Variants in TMPRSS4 observed in about 807,000 individuals in gnomAD.
The protein encoded by TMPRSS4 is transmembrane protease serine 4.
A neutral mutation model predicts 56.4 loss-of-function variants in TMPRSS4; 45 were observed. The ratio of observed to expected loss-of-function variants is 0.80; its 90% CI spans 0.63 to 1.02. The LOEUF is 1.02. TMPRSS4 is among the 50% of genes least tolerant of loss of function. The pLI is 0.00. For missense variants in TMPRSS4, 546 were observed against 556.7 expected (o/e 0.98, Z 0.19); for synonymous variants, 205 against 211.0 (o/e 0.97, Z 0.25).
At chr11:118,079,683 C>G (rs1944979560) in intron 1 of TMPRSS4, among the ~76,000 whole-genome samples, 1 of 152,210 alleles carries the variant, frequency 6.6e-6, no homozygotes, top group African/African-American at 2.4e-5. Flanking sequence ...GGTCCTCCCT[C>G]CCACCTCCTG....
chr11:118,097,069 G>GGAAAGGAAAGGAAAGGAAAGGAAAGGAA lies in TMPRSS4; in HGVS notation c.44-1915_44-1914insAAAGGAAAGGAAAGGAAAGGAAAGGAAG, dbSNP rs1565423938. Among the ~76,000 whole-genome samples, 60 of 22,912 alleles carry GGAAAGGAAAGGAAAGGAAAGGAAAGGAA rather than the reference G, an allele frequency of 2.6e-3. 3 individuals are homozygous for GGAAAGGAAAGGAAAGGAAAGGAAAGGAA. Among genetic ancestry groups the GGAAAGGAAAGGAAAGGAAAGGAAAGGAA allele is most frequent in the African/African-American group, 5.8e-3 (53 of 9,188 alleles). 15.0% of individuals were successfully genotyped at this position (22,912 alleles called of 152,430 possible). A position where few individuals can be genotyped will look rare whatever the true frequency, so the allele number is the denominator to read the frequency against. ...AAGGAAAGGAAAGGAAAGGAAAGGA[G>GGAAAGGAAAGGAAAGGAAAGGAAAGGAA]GTAGTAGAAGGGACGTACTTAAGAG... On this transcript the variant is annotated intron_variant, in intron 2 of 12. Transcript: ENST00000437212.
chr11:118,105,773 C>CCAAACAAA (rs111593328), intron 5 of TMPRSS4: 1 of 151,876 alleles, frequency 6.6e-6, no homozygotes, highest in African/African-American at 2.4e-5. Flanking sequence ...AGAGACTAGG[C>CCAAACAAA]CAAACAAACA....
At chr11:118,107,943 C>G (rs1280761184) in intron 6 of TMPRSS4, 68 bp downstream of exon 6, 7 of 1,366,578 alleles carry the variant, frequency 5.1e-6, no homozygotes, top group South Asian at 1.2e-5. Context: ...AGGTTGCAAC[C>G]AGCTCACCTG....
chr11:118,125,374 T>A, downstream of TMPRSS4: 1 of 456,032 alleles, frequency 2.2e-6, no homozygotes, highest in South Asian at 1.5e-5. Context: ...CTGATGGAGC[T>A]ACGGTCAGCT....
chr11:118,109,183 C>T (rs1336851115), intron 7 of TMPRSS4, among the ~76,000 whole-genome samples: 1 of 152,200 alleles, frequency 6.6e-6, no homozygotes, highest in African/African-American at 2.4e-5. Flanking sequence ...CCGAAAAGGG[C>T]AGGACGGGGC....
At chr11:118,097,182 A>G (rs1390145092) in intron 2 of TMPRSS4, among the ~76,000 whole-genome samples, 1 of 151,318 alleles carries the variant, frequency 6.6e-6, no homozygotes, top group African/African-American at 2.4e-5. Flanking sequence ...GGCACCAGGG[A>G]CTTAGCAGTG....
intron 1 of TMPRSS4, among the ~76,000 whole-genome samples, chr11:118,093,481 C>T (rs1183596100): frequency 6.6e-6 from 1 of 152,188 alleles, no homozygotes; most frequent in Non-Finnish European, 1.5e-5. Flanking sequence ...CTTTGCCTGG[C>T]AGAAAGGGCC....
intron 1 of TMPRSS4, among the ~76,000 whole-genome samples, chr11:118,088,450 C>T (rs561589188): frequency 1.5e-4 from 23 of 152,320 alleles, no homozygotes; most frequent in Non-Finnish European, 3.2e-4. Flanking sequence ...GTTGATCAGG[C>T]AATGGCAGGT....
In TMPRSS4 at chr11:118,114,770, C is replaced by T; in HGVS notation, c.911-59C>T. 4.1e-6 allele frequency: 6 copies of T among 1,473,118 alleles called. No individual in the cohort carries two copies. In the East Asian group the frequency reaches 1.2e-4, roughly 30 times the overall value. 91.3% of individuals were successfully genotyped at this position (1,473,118 alleles called of 1,614,324 possible). A position where few individuals can be genotyped will look rare whatever the true frequency, so the allele number is the denominator to read the frequency against. ...CATAATCATAAAGCATCATAATTTA[C>T]AGAAAATTAACACTTATGATGAATA... On this transcript the variant is annotated intron_variant, in intron 9 of 12. Transcript: ENST00000437212.
intron 1 of TMPRSS4, among the ~76,000 whole-genome samples, chr11:118,093,624 C>T (rs10750124): frequency 0.9 from 136,927 of 152,238 alleles, 61,757 homozygotes; most frequent in Non-Finnish European, 0.93. Context: ...CATGCGTCGA[C>T]GGCAGCCTAA....
At position 118,117,438 on chromosome 11, in the gene TMPRSS4, T is replaced by C; in HGVS notation, c.1286T>C (p.Ile429Thr). The change falls in exon 12 of 13, where the codon ATC (isoleucine) becomes ACC (threonine). Residue 429 changes from isoleucine (I) to threonine (T), a missense_variant. Physicochemically the swap from Ile to Thr is moderately conservative, Grantham distance 89. Coordinates refer to ENST00000437212, the MANE Select transcript of TMPRSS4 (RefSeq NM_019894.4). ...YTKVSAYLNW[I>T]YNVWKAEL ...AAGGTCTCAGCCTATCTCAACTGGA[T>C]CTACAATGTCTGGAAGGTAAGGTAC... The C allele has an allele frequency of 6.2e-7, 1 of 1,613,632 alleles. No individual in the cohort carries two copies. Among genetic ancestry groups the C allele is most frequent in the Non-Finnish European group, 8.5e-7 (1 of 1,179,712 alleles).
At chr11:118,092,392 G>T (rs930787041) in intron 1 of TMPRSS4, among the ~76,000 whole-genome samples, 1 of 152,258 alleles carries the variant, frequency 6.6e-6, no homozygotes, top group Non-Finnish European at 1.5e-5. Context: ...CAGTGAGCCA[G>T]GAATGCTGAT....
chr11:118,099,211 C>G, intron 3 of TMPRSS4, 113 bp downstream of exon 3: 2 of 811,252 alleles, frequency 2.5e-6, no homozygotes, highest in African/African-American at 1.7e-5. Flanking sequence ...GCCCTCACCC[C>G]CTCAGTAAGA....
intron 1 of TMPRSS4, among the ~76,000 whole-genome samples, chr11:118,086,476 G>A (rs1411123566): frequency 5.9e-5 from 9 of 152,274 alleles, no homozygotes; most frequent in Non-Finnish European, 1.0e-4. Flanking sequence ...CTCTAATAAT[G>A]ACTCAACGCA....
At position 118,120,054 on chromosome 11, in the gene TMPRSS4, T is replaced by C. The variant is rs773772778; in HGVS notation, c.*2141T>C. The C allele has an allele frequency of 6.6e-6, 1 of 152,238 alleles. No individual in the cohort carries two copies. Among genetic ancestry groups the C allele is most frequent in the African/African-American group, 2.4e-5 (1 of 41,454 alleles). The allele number at this position is 152,238 out of a possible 1,614,324, so 9.4% of individuals were successfully genotyped here. On this transcript the variant is annotated 3_prime_UTR_variant, in exon 13 of 13. Coordinates refer to ENST00000437212, the MANE Select transcript of TMPRSS4 (RefSeq NM_019894.4). ...ACCACCATTGTGCTTTCAGTCTCTG[T>C]GAACTGGATTACTCTGGGTACCTCA... is the stretch of plus-strand genomic sequence containing the variant.
chr11:118,089,140 A>G lies in TMPRSS4; in HGVS notation c.4-5676A>G, dbSNP rs1399730477. Among the ~76,000 whole-genome samples the G allele has an allele frequency of 3.3e-5, 5 of 151,936 alleles. No homozygotes were observed. In the East Asian group the frequency reaches 9.7e-4, roughly 29 times the overall value. The stretch of plus-strand genomic sequence containing the variant: ...TCGACATTGATGGCCCCCAGTTGAC[A>G]CTCACAGGCCTAAAATGCACCTACC... On this transcript the variant is annotated intron_variant, in intron 1 of 12. Coordinates refer to ENST00000437212, the MANE Select transcript of TMPRSS4 (RefSeq NM_019894.4).
chr11:118,099,098 AGTAAGTGACAGCCC>A lies in TMPRSS4; in HGVS notation c.157+4_157+17del. 1 of 1,612,696 alleles carries A rather than the reference AGTAAGTGACAGCCC, an allele frequency of 6.2e-7. No individual in the cohort carries two copies. The highest frequency in any genetic ancestry group is 1.3e-5 in the African/African-American group (1 of 74,938). ...GAGTATCATCATTGTGGTTGTCCTC[AGTAAGTGACAGCCC>A]GTACCCGACTTTCACCCTCTAAGTA... On this transcript the variant is annotated splice_donor_variant and splice_donor_5th_base_variant and intron_variant, in intron 3 of 12. Coordinates refer to ENST00000437212, the MANE Select transcript of TMPRSS4 (RefSeq NM_019894.4). LOFTEE classifies it high-confidence loss of function.
intron 7 of TMPRSS4, among the ~76,000 whole-genome samples, chr11:118,109,125 C>A (rs113460641): frequency 3.3e-5 from 5 of 152,308 alleles, no homozygotes; most frequent in African/African-American, 1.2e-4. Context: ...ACCATCTGTG[C>A]ATGGCTCCAT....
chr11:118,116,191 GGATTC>G (rs1555091750), intron 11 of TMPRSS4, among the ~76,000 whole-genome samples: 1 of 152,054 alleles, frequency 6.6e-6, no homozygotes, highest in Non-Finnish European at 1.5e-5. Context: ...TGGGTTCAAG[GGATTC>G]TCCCACCTCA....
Sources: allele counts gnomAD v4.1 joint callset (sites outside exome capture counted in the v4.1 genomes callset), GRCh38; gene constraint gnomAD v4.1.1; transcripts MANE v1.5; gene names NCBI Gene and HGNC (gene_info 2026-07-23, HGNC 2026-07-21).